CNGA1: variants seen among roughly 807,000 people sequenced by gnomAD.
CNGA1 encodes the protein cyclic nucleotide gated channel subunit alpha 1.
A neutral mutation model predicts 69.7 loss-of-function variants in CNGA1; 53 were observed. That is an observed-to-expected ratio of 0.76 (90% CI 0.61 to 0.96). The LOEUF is 0.96. CNGA1 is among the 40% of genes least tolerant of loss of function. The pLI is 0.00. For missense variants in CNGA1, 739 were observed against 811.2 expected (o/e 0.91, Z 1.08); for synonymous variants, 249 against 283.5 (o/e 0.88, Z 1.22).
chr4:47,960,351 C>G (rs1051643536), intron 3 of CNGA1, among the ~76,000 whole-genome samples: 6 of 152,170 alleles, frequency 3.9e-5, no homozygotes, highest in East Asian at 1.9e-4. Context: ...CACAACTACT[C>G]TGTTTCTCAC....
chr4:47,948,335 G>C (rs953768747), intron 6 of CNGA1, among the ~76,000 whole-genome samples: 3 of 152,144 alleles, frequency 2.0e-5, no homozygotes, highest in African/African-American at 7.2e-5. Flanking sequence ...TATACTCTAG[G>C]AAGAAAAGGT....
At chr4:47,952,846 G>T in intron 3 of CNGA1, 143 bp from the exon 4 acceptor site, 1 of 489,068 alleles carries the variant, frequency 2.0e-6, no homozygotes, top group Non-Finnish European at 3.3e-6. Context: ...AAAGGAAAGA[G>T]GTTTAATGGA....
chr4:47,951,388 A>G lies in CNGA1; in HGVS notation c.189T>C (p.Ser63=). ...GTCCTCCCTTTCTGAGTGACTTATAACTAAAGGAACCCCTTGCATGAGGGT... is the reference window on the plus strand; with the variant it reads ...GTCCTCCCTTTCTGAGTGACTTATAGCTAAAGGAACCCCTTGCATGAGGGT... ...NENPHARGSF[S]YKSLRKGGPS... Residue 63 remains serine (S), a synonymous_variant, in exon 5 of 11, where the codon AGT becomes AGC. Coordinates refer to ENST00000514170, the MANE Select transcript of CNGA1 (RefSeq NM_001379270.1). 1.2e-6 allele frequency: 2 copies of G among 1,613,454 alleles called. No individual in the cohort carries two copies.
chr4:48,009,048 A>G (rs183745901), intron 2 of CNGA1, among the ~76,000 whole-genome samples: 4 of 152,376 alleles, frequency 2.6e-5, no homozygotes, highest in Admixed American at 1.3e-4. Flanking sequence ...TTGACACCTT[A>G]TAGTATTTGG....
intron 2 of CNGA1, among the ~76,000 whole-genome samples, chr4:47,996,904 T>G (rs1460545158): frequency 6.6e-6 from 1 of 151,678 alleles, no homozygotes; most frequent in Admixed American, 6.6e-5. Flanking sequence ...CTACGAAAAT[T>G]TAAAAAATTA....
Position 47,936,674 on chromosome 4 carries a change from C to T in CNGA1, c.1808G>A (p.Gly603Asp). 2 of 1,614,160 alleles carry T rather than the reference C, an allele frequency of 1.2e-6. No homozygotes were observed. The highest frequency in any genetic ancestry group is 1.7e-6 in the Non-Finnish European group (2 of 1,180,030). ...ATTTGCAATGTTTAGATCCAGTAGACCATCTTTCATTAAAATCTGCTTCCC... is the reference window on the plus strand; with the variant it reads ...ATTTGCAATGTTTAGATCCAGTAGATCATCTTTCATTAAAATCTGCTTCCC... ...EKGKQILMKD[G>D]LLDLNIANAG... Residue 603 changes from glycine (G) to aspartate (D), a missense_variant, in exon 11 of 11, where the codon GGT becomes GAT. Transcript: ENST00000514170.
chr4:47,962,330 C>T (rs777364420), intron 3 of CNGA1, among the ~76,000 whole-genome samples: 4 of 127,702 alleles, frequency 3.1e-5, no homozygotes, highest in Non-Finnish European at 6.6e-5. Context: ...GGCAACAGAG[C>T]GAGACTCTGT....
At chr4:47,951,262 C>T (rs960284206) in intron 5 of CNGA1, 91 bp downstream of exon 5, 3 of 797,018 alleles carry the variant, frequency 3.8e-6, no homozygotes, top group Non-Finnish European at 6.6e-6. Context: ...TCAAGGTCAT[C>T]ACCATGATCT....
chr4:47,997,692 T>C (rs1056965630), intron 2 of CNGA1, among the ~76,000 whole-genome samples: 1 of 152,212 alleles, frequency 6.6e-6, no homozygotes, highest in Non-Finnish European at 1.5e-5. Context: ...CACAACGCTT[T>C]GAGTCATTAC....
intron 4 of CNGA1, 36 bp downstream of exon 4, chr4:47,952,547 A>G (rs1429316727): frequency 6.2e-7 from 1 of 1,606,084 alleles, no homozygotes; most frequent in Non-Finnish European, 8.5e-7. Flanking sequence ...AACTGTAGCT[A>G]ATAATAAAAA....
rs749422084 is a variant in CNGA1, at chr4:47,936,417, G to A, written c.*4C>T. The A allele has an allele frequency of 8.1e-6, 13 of 1,613,880 alleles. No homozygotes were observed. Among genetic ancestry groups the A allele is most frequent in the Admixed American group, 6.7e-5 (4 of 59,998 alleles). On this transcript the variant is annotated 3_prime_UTR_variant, in exon 11 of 11. Transcript: ENST00000514170. ...TGTCCCTGTTAATGACCAGCTTTTC[G>A]GTTCTATGTAGAGTCGATGGGCCCA...
intron 3 of CNGA1, among the ~76,000 whole-genome samples, chr4:47,962,400 G>A (rs1329080596): frequency 7.0e-6 from 1 of 143,436 alleles, no homozygotes; most frequent in Non-Finnish European, 1.5e-5. Flanking sequence ...GTACCAGGTT[G>A]AATAAATATA....
intron 1 of CNGA1, among the ~76,000 whole-genome samples, chr4:48,012,541 C>T (rs1715209391): frequency 7.0e-6 from 1 of 141,992 alleles, no homozygotes; most frequent in African/African-American, 2.6e-5. Context: ...TGGCCATTTT[C>T]CTCCCCACCA....
intron 2 of CNGA1, among the ~76,000 whole-genome samples, chr4:48,007,505 C>T (rs543155572): frequency 6.6e-6 from 1 of 152,128 alleles, no homozygotes; most frequent in Non-Finnish European, 1.5e-5. Context: ...ATTCTGATGC[C>T]AATCAAGAGG....
In CNGA1 at chr4:47,937,626, T is replaced by G. The variant is rs1007483699; in HGVS notation, c.856A>C (p.Thr286Pro). ...RMFEFFQRTE[T>P]RTNYPNIFRI... ...AAGATGTTTGGATAGTTTGTCCTTG[T>G]TTCTGTTCTCTGGAAGAACTCAAAC... Residue 286 changes from threonine to proline, a missense_variant, in exon 11 of 11, where the codon ACA (threonine) becomes CCA (proline). Thr to Pro is a conservative substitution (Grantham distance 38). Transcript: ENST00000514170. 2 of 1,614,060 alleles carry G rather than the reference T, an allele frequency of 1.2e-6. No individual in the cohort carries two copies. The highest frequency in any genetic ancestry group is 1.7e-6 in the Non-Finnish European group (2 of 1,180,028).
chr4:47,938,858 C>T (rs1281761271), intron 10 of CNGA1, among the ~76,000 whole-genome samples: 1 of 151,104 alleles, frequency 6.6e-6, no homozygotes, highest in Admixed American at 6.6e-5. Flanking sequence ...AGGAGGATCC[C>T]TTGAGTGCAG....
intron 2 of CNGA1, among the ~76,000 whole-genome samples, chr4:48,010,450 C>T (rs748541795): frequency 3.8e-4 from 58 of 152,188 alleles, no homozygotes; most frequent in Non-Finnish European, 6.3e-4. Context: ...AGAGAAGCCT[C>T]GGTTGTGTTA....
At chr4:47,953,763 G>T (rs921420484) in intron 3 of CNGA1, among the ~76,000 whole-genome samples, 3 of 152,090 alleles carry the variant, frequency 2.0e-5, no homozygotes, top group African/African-American at 7.2e-5. Context: ...TCTGTTCATG[G>T]TCCTCAGGAA....
chr4:47,995,383 C>T (rs920417920), intron 2 of CNGA1, among the ~76,000 whole-genome samples: 2 of 152,120 alleles, frequency 1.3e-5, no homozygotes, highest in African/African-American at 4.8e-5. Flanking sequence ...TGGATTAATG[C>T]AAAGACCCTG....
Sources: allele counts gnomAD v4.1 joint callset (sites outside exome capture counted in the v4.1 genomes callset), GRCh38; gene constraint gnomAD v4.1.1; transcripts MANE v1.5; gene names NCBI Gene and HGNC (gene_info 2026-07-23, HGNC 2026-07-21).